The following CCSER1 variants were observed in gnomAD, a reference collection of about 807,000 sequenced individuals.
CCSER1 encodes the protein serine-rich coiled-coil domain-containing protein 1.
A neutral mutation model predicts 82.0 loss-of-function variants in CCSER1; 41 were observed. The observed-to-expected ratio is 0.50, with a 90% CI of 0.39 to 0.65. CCSER1 has a LOEUF of 0.65. Among genes scored for constraint, CCSER1 ranks in the 30% least tolerant of loss-of-function variants. The probability of loss-of-function intolerance (pLI) is 0.00; values close to 1 mark genes in which losing one functional copy is unlikely to be tolerated. For synonymous variants in CCSER1, 414 were observed against 383.9 expected (o/e 1.08, Z -0.92); for missense variants, 1,119 against 1,064.2 (o/e 1.05, Z -0.72).
At chr4:90,600,192 T>G (rs1460216084) in intron 5 of CCSER1, among the ~76,000 whole-genome samples, 1 of 152,204 alleles carries the variant, frequency 6.6e-6, no homozygotes, top group Non-Finnish European at 1.5e-5. Context: ...AATAGGGACG[T>G]AGGTATTTAT....
intron 3 of CCSER1, among the ~76,000 whole-genome samples, chr4:90,355,694 C>G (rs1744261341): frequency 6.6e-6 from 1 of 151,922 alleles, no homozygotes; most frequent in African/African-American, 2.4e-5. Context: ...TATTACTCTT[C>G]TTAATCTGTA....
chr4:90,337,761 CA>C (rs1483430973), intron 3 of CCSER1, among the ~76,000 whole-genome samples: 1 of 151,772 alleles, frequency 6.6e-6, no homozygotes, highest in Non-Finnish European at 1.5e-5. Context: ...AAGCTATTTT[CA>C]GATAATAGTA....
intron 10 of CCSER1, among the ~76,000 whole-genome samples, chr4:91,147,208 G>T (rs1729626734): frequency 6.6e-6 from 1 of 152,186 alleles, no homozygotes; most frequent in African/African-American, 2.4e-5. Context: ...CAGGGCGGTG[G>T]TTTCATGGGT....
At chr4:90,578,318 T>C (rs1233743525) in intron 5 of CCSER1, among the ~76,000 whole-genome samples, 2 of 152,156 alleles carry the variant, frequency 1.3e-5, no homozygotes, top group Non-Finnish European at 2.9e-5. Flanking sequence ...CCACTTTTCT[T>C]TCTGCAAGCT....
intron 1 of CCSER1, among the ~76,000 whole-genome samples, chr4:90,141,607 G>A (rs1020092635): frequency 6.6e-6 from 1 of 152,176 alleles, no homozygotes; most frequent in African/African-American, 2.4e-5. Flanking sequence ...AAAAATGAAT[G>A]AGGAGACTGT....
intron 7 of CCSER1, among the ~76,000 whole-genome samples, chr4:90,789,981 A>C (rs1454341): frequency 6.6e-6 from 1 of 151,892 alleles, no homozygotes; most frequent in African/African-American, 2.4e-5. Flanking sequence ...GGAGTGAGCA[A>C]TACTTCCATT....
chr4:90,811,995 C>CACACACACACATAT (rs367800484), intron 7 of CCSER1, among the ~76,000 whole-genome samples: 18 of 142,770 alleles, frequency 1.3e-4, no homozygotes, highest in African/African-American at 3.9e-4. Flanking sequence ...TATATAAACA[C>CACACACACACATAT]ATATATATAT....
intron 8 of CCSER1, among the ~76,000 whole-genome samples, chr4:90,868,777 C>A (rs1766069037): frequency 6.6e-6 from 1 of 152,060 alleles, no homozygotes; most frequent in South Asian, 2.1e-4. Flanking sequence ...TGAGGAGCCT[C>A]CAAACTGTTC....
At chr4:90,741,778 C>T (rs60252826) in intron 7 of CCSER1, among the ~76,000 whole-genome samples, 40,024 of 151,998 alleles carry the variant, frequency 0.26, 5,926 homozygotes, top group East Asian at 0.34. Context: ...CTATGATTTA[C>T]TACTAATGTG....
At chr4:90,456,444 A>G (rs1762173780) in intron 4 of CCSER1, among the ~76,000 whole-genome samples, 1 of 152,184 alleles carries the variant, frequency 6.6e-6, no homozygotes, top group African/African-American at 2.4e-5. Context: ...GAAAGACTGG[A>G]GGTCCTAGTG....
At chr4:90,591,409 A>G (rs1782675371) in intron 5 of CCSER1, among the ~76,000 whole-genome samples, 1 of 152,180 alleles carries the variant, frequency 6.6e-6, no homozygotes, top group Non-Finnish European at 1.5e-5. Flanking sequence ...GAAGACATTG[A>G]TGCGGCCAGC....
intron 10 of CCSER1, among the ~76,000 whole-genome samples, chr4:91,089,544 T>G (rs573198107): frequency 2.6e-4 from 39 of 152,224 alleles, no homozygotes; most frequent in Non-Finnish European, 4.3e-4. Flanking sequence ...TCACTTTCAT[T>G]TTCACTACTT....
chr4:91,099,720 G>C (rs1397473913), intron 10 of CCSER1, among the ~76,000 whole-genome samples: 1 of 152,186 alleles, frequency 6.6e-6, no homozygotes, highest in African/African-American at 2.4e-5. Context: ...TTTTCTGTTT[G>C]ACAATTGGTT....
chr4:91,375,778 C>T (rs1175687719), intron 10 of CCSER1, among the ~76,000 whole-genome samples: 1 of 151,866 alleles, frequency 6.6e-6, no homozygotes, highest in African/African-American at 2.4e-5. Context: ...AATACAGTAG[C>T]CTAAATGACT....
intron 10 of CCSER1, among the ~76,000 whole-genome samples, chr4:91,165,234 A>G (rs1477175557): frequency 6.6e-6 from 1 of 152,114 alleles, no homozygotes; most frequent in African/African-American, 2.4e-5. Context: ...TCCACTCCAG[A>G]CCCTGTTTGC....
chr4:91,160,753 TTG>T (rs1012776592), intron 10 of CCSER1, among the ~76,000 whole-genome samples: 18 of 151,326 alleles, frequency 1.2e-4, no homozygotes, highest in African/African-American at 4.4e-4. Context: ...GTTGTTGTTG[TTG>T]TTTTTTTTGT....
chr4:90,143,073 G>T (rs1361032654), intron 1 of CCSER1, among the ~76,000 whole-genome samples: 1 of 151,996 alleles, frequency 6.6e-6, no homozygotes, highest in Non-Finnish European at 1.5e-5. Context: ...TTACTTTTTT[G>T]TACATTGGGC....
intron 5 of CCSER1, among the ~76,000 whole-genome samples, chr4:90,511,064 T>C (rs892546721): frequency 6.6e-6 from 1 of 152,178 alleles, no homozygotes; most frequent in Admixed American, 6.5e-5. Context: ...AGCAGGAAAG[T>C]GTTTCTACCA....
At chr4:91,498,458 C>CT (rs34213352) in intron 10 of CCSER1, among the ~76,000 whole-genome samples, 30 of 150,080 alleles carry the variant, frequency 2.0e-4, no homozygotes, top group East Asian at 5.9e-4. Context: ...TCTATTTATG[C>CT]TTTTTTTTTT....
Sources: allele counts gnomAD v4.1 joint callset (sites outside exome capture counted in the v4.1 genomes callset), GRCh38; gene constraint gnomAD v4.1.1; transcripts MANE v1.5; gene names NCBI Gene and HGNC (gene_info 2026-07-23, HGNC 2026-07-21).